Variants in TAOK3 observed in about 807,000 individuals in gnomAD.
TAOK3 encodes the protein serine/threonine-protein kinase TAO3.
TAOK3 carries 40 observed loss-of-function variants against 120.4 expected under a neutral mutation model. The ratio of observed to expected loss-of-function variants is 0.33; its 90% confidence interval spans 0.26 to 0.43. The LOEUF (loss-of-function observed/expected upper bound fraction) is 0.43, where lower values mean the gene tolerates loss of function less well. TAOK3 is among the 20% of genes least tolerant of loss of function. The pLI is 1.00. For synonymous variants in TAOK3, 355 were observed against 387.5 expected, an observed-to-expected ratio of 0.92 and a Z score of 0.99; for missense variants, 821 against 1,112.1, an observed-to-expected ratio of 0.74 and a Z score of 3.72.
At chr12:118,232,239 T>C (rs974991351) in intron 9 of TAOK3, among the ~76,000 whole-genome samples, 6 of 152,242 alleles carry the variant, frequency 3.9e-5, no homozygotes, top group Non-Finnish European at 8.8e-5. Context: ...AAGCTTAAGA[T>C]ATATTAAAGT....
intron 1 of TAOK3, among the ~76,000 whole-genome samples, chr12:118,267,053 C>T (rs534156938): frequency 3.3e-5 from 5 of 152,130 alleles, no homozygotes; most frequent in Non-Finnish European, 7.4e-5. Context: ...CAGTAGACAG[C>T]ACTAATCTGA....
intron 13 of TAOK3, among the ~76,000 whole-genome samples, chr12:118,192,762 T>G (rs2037499861): frequency 6.6e-6 from 1 of 152,224 alleles, no homozygotes; most frequent in African/African-American, 2.4e-5. Context: ...CTCCCAGAGT[T>G]TCTGAACTGC....
At chr12:118,279,053 G>C (rs1275912013) in intron 1 of TAOK3, among the ~76,000 whole-genome samples, 1 of 152,114 alleles carries the variant, frequency 6.6e-6, no homozygotes, top group Non-Finnish European at 1.5e-5. Context: ...GATCACCACA[G>C]GTGATCTGCC....
intron 14 of TAOK3, among the ~76,000 whole-genome samples, chr12:118,183,114 T>C (rs1196459979): frequency 6.6e-6 from 1 of 152,176 alleles, no homozygotes; most frequent in Non-Finnish European, 1.5e-5. Flanking sequence ...TCCTATCTAC[T>C]GTAAGGCCCA....
intron 1 of TAOK3, among the ~76,000 whole-genome samples, chr12:118,321,912 C>T (rs991170458): frequency 3.3e-5 from 5 of 152,064 alleles, no homozygotes; most frequent in African/African-American, 1.2e-4. Context: ...GAAAAGATCC[C>T]ATTAACAATT....
chr12:118,153,317 C>T (rs1364056243), intron 19 of TAOK3, among the ~76,000 whole-genome samples: 1 of 152,084 alleles, frequency 6.6e-6, no homozygotes, highest in Non-Finnish European at 1.5e-5. Flanking sequence ...GAGGCTGAGG[C>T]AGAAGAATCT....
chr12:118,184,920 A>G (rs795476), intron 14 of TAOK3, among the ~76,000 whole-genome samples: 120,016 of 152,068 alleles, frequency 0.79, 48,136 homozygotes, highest in African/African-American at 0.93. Flanking sequence ...CCTCAGGGTC[A>G]GAGGACTTTC....
chr12:118,332,211 C>A (rs767569224), intron 1 of TAOK3, among the ~76,000 whole-genome samples: 4 of 152,164 alleles, frequency 2.6e-5, no homozygotes, highest in Non-Finnish European at 5.9e-5. Context: ...TTGTTTCTTT[C>A]TTAAGAAAGA....
rs1401106169 is a variant in TAOK3 at position 118,206,701 on chromosome 12, A to G, written c.820-5238T>C. The stretch of plus-strand genomic sequence containing the variant: ...AACCTCCACCTCCCGGGTTCAAGCA[A>G]TTCCCCTGTTTCAGCCTCCCAAGTA... On this transcript the variant is annotated intron_variant, in intron 11 of 20. Transcript: ENST00000392533. 2.0e-5 allele frequency among the ~76,000 whole-genome samples: 3 copies of G among 152,068 alleles called. No homozygotes were observed. In the East Asian group the frequency reaches 5.8e-4, roughly 30 times the overall value.
intron 1 of TAOK3, among the ~76,000 whole-genome samples, chr12:118,309,056 C>T (rs568835676): frequency 4.0e-4 from 60 of 150,922 alleles, no homozygotes; most frequent in African/African-American, 1.1e-3. Context: ...TCACTGGGCA[C>T]GGTGGCTCAC....
At chr12:118,287,611 G>A (rs1214452842) in intron 1 of TAOK3, among the ~76,000 whole-genome samples, 11 of 152,092 alleles carry the variant, frequency 7.2e-5, no homozygotes, top group Non-Finnish European at 1.5e-5. Context: ...TTGATCAAGT[G>A]GTTTAACTTC....
intron 11 of TAOK3, among the ~76,000 whole-genome samples, chr12:118,208,603 G>T (rs754083898): frequency 1.3e-5 from 2 of 152,040 alleles, no homozygotes; most frequent in Non-Finnish European, 2.9e-5. Context: ...TTCACGGTGG[G>T]ACTATAAATT....
intron 1 of TAOK3, among the ~76,000 whole-genome samples, chr12:118,370,202 A>G (rs2045858876): frequency 6.6e-6 from 1 of 152,138 alleles, no homozygotes; most frequent in Non-Finnish European, 1.5e-5. Context: ...AACCACATCA[A>G]GCTGCACACT....
At chr12:118,247,476 CAT>C (rs780142969) in intron 3 of TAOK3, among the ~76,000 whole-genome samples, 22 of 151,032 alleles carry the variant, frequency 1.5e-4, no homozygotes, top group East Asian at 1.4e-3. Context: ...TCAAGATATA[CAT>C]ATATATATAT....
chr12:118,151,287 G>GCTCACACACACA, intron 20 of TAOK3, 129 bp from the exon 21 acceptor site: 1 of 476,178 alleles, frequency 2.1e-6, no homozygotes, highest in African/African-American at 2.4e-5. Context: ...GTGCGCGCGC[G>GCTCACACACACA]CGCACACACA....
rs569122149 is a variant in TAOK3 at position 118,220,945 on chromosome 12, G to T, written c.644-6835C>A. The stretch of plus-strand genomic sequence containing the variant: ...TAATAAATAAATCCTCTGAGCAATG[G>T]TGACAAGGCTCACTGCTGAGCCAGA... On this transcript the variant is annotated intron_variant, in intron 9 of 20. Coordinates refer to ENST00000392533, the MANE Select transcript of TAOK3 (RefSeq NM_016281.4). Among the ~76,000 whole-genome samples, 4 of 152,320 alleles carry T rather than the reference G, an allele frequency of 2.6e-5. No homozygotes were observed. In the East Asian group the frequency reaches 7.7e-4, roughly 29 times the overall value.
chr12:118,340,666 C>A (rs2044576991), intron 1 of TAOK3, among the ~76,000 whole-genome samples: 3 of 151,872 alleles, frequency 2.0e-5, no homozygotes, highest in African/African-American at 4.8e-5. Context: ...TAACAGTTAT[C>A]AATTCATGGC....
At chr12:118,230,590 T>C (rs2039730599) in intron 9 of TAOK3, among the ~76,000 whole-genome samples, 1 of 142,860 alleles carries the variant, frequency 7.0e-6, no homozygotes, top group Non-Finnish European at 1.5e-5. Context: ...TGCCTCAGCC[T>C]CCCGAGTAGC....
At chr12:118,320,370 C>T (rs1354901811) in intron 1 of TAOK3, among the ~76,000 whole-genome samples, 2 of 151,702 alleles carry the variant, frequency 1.3e-5, no homozygotes, top group African/African-American at 2.4e-5. Flanking sequence ...TTGGGAGGAT[C>T]GCTTGAGCCC....
Sources: gnomAD v4.1 joint callset for allele counts (sites outside exome capture counted in the v4.1 genomes callset) on GRCh38, gnomAD v4.1.1 for gene constraint, MANE v1.5 for transcripts, NCBI Gene and HGNC (gene_info 2026-07-23, HGNC 2026-07-21) for gene names.